The following DCC variants were observed in gnomAD, a reference collection of about 807,000 sequenced individuals.
DCC encodes the protein DCC netrin 1 receptor.
A neutral mutation model predicts 172.5 loss-of-function variants in DCC; 58 were observed. The ratio of observed to expected loss-of-function variants is 0.34; its 90% CI spans 0.27 to 0.42. The LOEUF is 0.42. Among genes scored for constraint, DCC ranks in the 10% least tolerant of loss-of-function variants. The pLI is 1.00. For missense variants in DCC, 1,740 were observed against 1,791.0 expected (o/e 0.97, Z 0.51); for synonymous variants, 709 against 644.5 (o/e 1.10, Z -1.52).
intron 15 of DCC, among the ~76,000 whole-genome samples, chr18:53,347,269 G>A (rs779348617): frequency 5.9e-5 from 9 of 152,276 alleles, no homozygotes; most frequent in East Asian, 1.9e-4. Flanking sequence ...AACGCTGGTC[G>A]CTTCATCAAG....
intron 7 of DCC, among the ~76,000 whole-genome samples, chr18:53,146,733 C>G (rs906083103): frequency 6.6e-6 from 1 of 152,154 alleles, no homozygotes; most frequent in African/African-American, 2.4e-5. Context: ...ATAGGAATAC[C>G]TGCCAAGCGT....
intron 1 of DCC, among the ~76,000 whole-genome samples, chr18:52,406,537 C>T (rs543184412): frequency 2.0e-5 from 3 of 152,166 alleles, no homozygotes; most frequent in Non-Finnish European, 2.9e-5. Context: ...TTGCTTAATT[C>T]GGACTCTGGA....
intron 12 of DCC, among the ~76,000 whole-genome samples, chr18:53,234,644 T>C (rs1366440551): frequency 6.6e-6 from 1 of 152,058 alleles, no homozygotes; most frequent in Non-Finnish European, 1.5e-5. Context: ...TTTTCAAGAC[T>C]GTGTAAAATA....
At chr18:52,804,627 T>C (rs2038054730) in intron 2 of DCC, among the ~76,000 whole-genome samples, 1 of 152,206 alleles carries the variant, frequency 6.6e-6, no homozygotes, top group Non-Finnish European at 1.5e-5. Context: ...AGTGCAGTGG[T>C]GCGATCTCCG....
intron 15 of DCC, among the ~76,000 whole-genome samples, chr18:53,345,172 CTTT>C (rs981580236): frequency 4.6e-5 from 7 of 151,596 alleles, no homozygotes; most frequent in African/African-American, 1.7e-4. Flanking sequence ...AAAATTCTGT[CTTT>C]TTTAATTTTA....
chr18:53,515,457 G>A (rs1568181215), intron 27 of DCC, among the ~76,000 whole-genome samples: 1 of 150,002 alleles, frequency 6.7e-6, no homozygotes, highest in Non-Finnish European at 1.5e-5. Context: ...AGGGCAATTA[G>A]GCAGGAGAAG....
intron 1 of DCC, among the ~76,000 whole-genome samples, chr18:52,488,989 T>C (rs2030365477): frequency 6.6e-6 from 1 of 152,082 alleles, no homozygotes; most frequent in African/African-American, 2.4e-5. Context: ...TTCATCATCT[T>C]TTTTAGAGTT....
chr18:52,379,373 A>G (rs926644837), intron 1 of DCC, among the ~76,000 whole-genome samples: 1 of 152,076 alleles, frequency 6.6e-6, no homozygotes, highest in Non-Finnish European at 1.5e-5. Flanking sequence ...TCTGCTTATT[A>G]GCTTGTGATC....
At chr18:53,137,525 A>G (rs2043762655) in intron 7 of DCC, among the ~76,000 whole-genome samples, 1 of 152,198 alleles carries the variant, frequency 6.6e-6, no homozygotes. Flanking sequence ...TTACTTAACT[A>G]TGAAGGTAAC....
At chr18:53,079,489 G>T (rs1206936243) in intron 7 of DCC, among the ~76,000 whole-genome samples, 2 of 152,090 alleles carry the variant, frequency 1.3e-5, no homozygotes, top group Non-Finnish European at 2.9e-5. Flanking sequence ...TCATACTAAT[G>T]ATGTAGTTAC....
chr18:53,349,937 CT>C (rs2057769647), intron 15 of DCC, among the ~76,000 whole-genome samples: 2 of 152,150 alleles, frequency 1.3e-5, no homozygotes, highest in Non-Finnish European at 2.9e-5. Flanking sequence ...TAAAGTTGAA[CT>C]TCTGACTAGT....
chr18:52,860,934 G>A (rs746472770), intron 2 of DCC, among the ~76,000 whole-genome samples: 12 of 151,574 alleles, frequency 7.9e-5, no homozygotes, highest in Non-Finnish European at 1.6e-4. Context: ...TAGAACCTGC[G>A]GGCGGAGGTT....
At chr18:53,407,174 C>A (rs186413306) in intron 19 of DCC, among the ~76,000 whole-genome samples, 1 of 152,094 alleles carries the variant, frequency 6.6e-6, no homozygotes, top group Non-Finnish European at 1.5e-5. Flanking sequence ...GTGCAGTTGA[C>A]CTGGGATGGG....
Position 52,752,393 on chromosome 18 carries a change from C to A in DCC, c.412+19C>A, listed in dbSNP as rs771432526. On this transcript the variant is annotated intron_variant, in intron 2 of 28. Coordinates refer to ENST00000442544, the MANE Select transcript of DCC (RefSeq NM_005215.4). ...GTAGCAGGTAGGTGGATTCTTCCTT[C>A]TCTTCCTCCTCCTCCTTCCTCTCTT... 1 of 1,563,358 alleles carries A rather than the reference C, an allele frequency of 6.4e-7. No homozygotes were observed. The highest frequency in any genetic ancestry group is 1.4e-5 in the African/African-American group (1 of 74,062).
At chr18:53,382,760 A>T (rs1907866878) in intron 15 of DCC, among the ~76,000 whole-genome samples, 1 of 152,168 alleles carries the variant, frequency 6.6e-6, no homozygotes, top group Non-Finnish European at 1.5e-5. Context: ...TTGGAGGGAA[A>T]GCAATTCACT....
At chr18:53,179,737 A>G (rs984784999) in intron 9 of DCC, among the ~76,000 whole-genome samples, 1 of 152,216 alleles carries the variant, frequency 6.6e-6, no homozygotes, top group South Asian at 2.1e-4. Flanking sequence ...TGATAAAGGA[A>G]GAGCTCCAGA....
At chr18:52,663,775 A>G (rs926880520) in intron 1 of DCC, among the ~76,000 whole-genome samples, 1 of 152,198 alleles carries the variant, frequency 6.6e-6, no homozygotes, top group African/African-American at 2.4e-5. Flanking sequence ...GTTAAAGTGG[A>G]AACATCACAA....
At chr18:53,145,664 T>C (rs1421491826) in intron 7 of DCC, among the ~76,000 whole-genome samples, 1 of 152,212 alleles carries the variant, frequency 6.6e-6, no homozygotes, top group Admixed American at 6.5e-5. Flanking sequence ...AAGATGCAGC[T>C]ATTACTTTTA....
At chr18:53,236,319 A>G (rs1027462643) in intron 12 of DCC, among the ~76,000 whole-genome samples, 1 of 152,172 alleles carries the variant, frequency 6.6e-6, no homozygotes, top group Non-Finnish European at 1.5e-5. Context: ...TATTTCTCTA[A>G]TAACTAAAAG....
Sources: gnomAD v4.1 joint callset for allele counts (sites outside exome capture counted in the v4.1 genomes callset) on GRCh38, gnomAD v4.1.1 for gene constraint, MANE v1.5 for transcripts, NCBI Gene and HGNC (gene_info 2026-07-23, HGNC 2026-07-21) for gene names.